Variants in ENPEP observed in about 807,000 individuals in gnomAD.
ENPEP encodes glutamyl aminopeptidase, also known as AP-A.
Under a neutral mutation model 114.5 loss-of-function variants are expected in ENPEP, and 103 were observed. That is an observed-to-expected ratio of 0.90 (90% CI 0.77 to 1.06). ENPEP has a LOEUF of 1.06. Ranked by LOEUF, ENPEP falls within the 50% of genes least tolerant of loss-of-function variation. ENPEP has a pLI of 0.00. For synonymous variants in ENPEP, 420 were observed against 422.0 expected (o/e 1.00, Z 0.06); for missense variants, 1,196 against 1,161.3 (o/e 1.03, Z -0.43).
At chr4:110,526,002 G>A (rs930799421) in intron 10 of ENPEP, among the ~76,000 whole-genome samples, 21 of 152,082 alleles carry the variant, frequency 1.4e-4, no homozygotes, top group Non-Finnish European at 2.4e-4. Flanking sequence ...ATGGCCGGGC[G>A]TGGTGGTTCA....
At chr4:110,498,480 T>C (rs1168653219) in intron 3 of ENPEP, among the ~76,000 whole-genome samples, 1 of 152,004 alleles carries the variant, frequency 6.6e-6, no homozygotes, top group Non-Finnish European at 1.5e-5. Flanking sequence ...TAATAAATAA[T>C]AGAGGAGGTG....
intron 6 of ENPEP, among the ~76,000 whole-genome samples, chr4:110,511,761 CT>C (rs35037890): frequency 0.34 from 48,710 of 145,388 alleles, 8,152 homozygotes; most frequent in African/African-American, 0.4. Context: ...TCATTCATTC[CT>C]TTTTTTTTTT....
Position 110,547,616 on chromosome 4 carries a change from T to A in ENPEP, c.2001-560T>A, listed in dbSNP as rs976335960. Among the ~76,000 whole-genome samples, 3 of 152,110 alleles carry A rather than the reference T, an allele frequency of 2.0e-5. No individual in the cohort carries two copies. In the South Asian group the frequency reaches 6.2e-4, roughly 32 times the overall value. ...AACCTTTAAAATATCAACAGTGTCT[T>A]CAAATTTTCTAGAAGAGAAAAATTT... is the stretch of plus-strand genomic sequence containing the variant. On this transcript the variant is annotated intron_variant, in intron 13 of 19. Transcript: ENST00000265162.
At position 110,563,035 on chromosome 4, in the gene ENPEP, G is replaced by A. The variant is rs1056486090; in HGVS notation, c.*1477G>A. The A allele has an allele frequency of 3.3e-5, 5 of 152,026 alleles. No individual in the cohort carries two copies. The highest frequency in any genetic ancestry group is 9.7e-5 in the African/African-American group (4 of 41,402). 9.4% of individuals were successfully genotyped at this position (152,026 alleles called of 1,614,324 possible). A position where few individuals can be genotyped will look rare whatever the true frequency, so the allele number is the denominator to read the frequency against. Reference sequence around the variant, plus strand: ...TAAATTCAAATGTAGACTGGGTTGTGGGTGGCAGATATAGAAGAAGAAATT... The same window carrying A: ...TAAATTCAAATGTAGACTGGGTTGTAGGTGGCAGATATAGAAGAAGAAATT... On this transcript the variant is annotated 3_prime_UTR_variant, in exon 20 of 20. Transcript: ENST00000265162.
intron 13 of ENPEP, among the ~76,000 whole-genome samples, chr4:110,547,523 T>TGG (rs930005672): frequency 6.6e-6 from 1 of 151,944 alleles, no homozygotes; most frequent in Admixed American, 6.6e-5. Context: ...GACAGGGAAG[T>TGG]GGGGAAAGCT....
intron 13 of ENPEP, among the ~76,000 whole-genome samples, chr4:110,544,537 G>A (rs369203932): frequency 1.3e-5 from 2 of 152,158 alleles, no homozygotes; most frequent in African/African-American, 4.8e-5. Flanking sequence ...AAACATTGGC[G>A]ACTTACTATG....
intron 6 of ENPEP, among the ~76,000 whole-genome samples, chr4:110,511,011 AT>A (rs1038628793): frequency 2.0e-5 from 3 of 151,948 alleles, no homozygotes; most frequent in Non-Finnish European, 4.4e-5. Context: ...GAACCCTAAA[AT>A]TTTTTTTCAG....
intron 10 of ENPEP, among the ~76,000 whole-genome samples, chr4:110,529,568 G>A (rs1226808310): frequency 1.3e-5 from 2 of 152,204 alleles, no homozygotes; most frequent in East Asian, 3.8e-4. Flanking sequence ...CCTGGAGCCA[G>A]TGCAGATCAT....
At chr4:110,487,913 C>T (rs1724561850) in intron 1 of ENPEP, among the ~76,000 whole-genome samples, 1 of 152,162 alleles carries the variant, frequency 6.6e-6, no homozygotes, top group Non-Finnish European at 1.5e-5. Flanking sequence ...AAAAATGCTG[C>T]TCTCTCTTTT....
chr4:110,537,559 A>T (rs1281245658), intron 11 of ENPEP, among the ~76,000 whole-genome samples: 1 of 152,152 alleles, frequency 6.6e-6, no homozygotes, highest in Non-Finnish European at 1.5e-5. Context: ...ATAGGTCTTG[A>T]ACACCTCAAA....
At chr4:110,485,483 G>A (rs191263597) in intron 1 of ENPEP, among the ~76,000 whole-genome samples, 5 of 148,958 alleles carry the variant, frequency 3.4e-5, no homozygotes, top group Admixed American at 1.5e-4. Context: ...TCTTAAGCAC[G>A]GGGGCATTCT....
At chr4:110,501,111 T>C (rs993249000) in intron 3 of ENPEP, among the ~76,000 whole-genome samples, 2 of 152,100 alleles carry the variant, frequency 1.3e-5, no homozygotes, top group African/African-American at 4.8e-5. Flanking sequence ...AATATAAAAA[T>C]GTTTGTGATA....
At chr4:110,534,059 C>G (rs569821841) in intron 11 of ENPEP, among the ~76,000 whole-genome samples, 37 of 152,232 alleles carry the variant, frequency 2.4e-4, no homozygotes, top group Non-Finnish European at 1.5e-5. Flanking sequence ...GTTCCTGTTT[C>G]CTGTTTAAGG....
intron 10 of ENPEP, among the ~76,000 whole-genome samples, chr4:110,526,401 A>C (rs1726198966): frequency 1.3e-5 from 2 of 152,242 alleles, no homozygotes; most frequent in Non-Finnish European, 2.9e-5. Context: ...TATTTTAAGC[A>C]CTTCAGATGC....
At chr4:110,553,641 T>C (rs1302333371) in intron 18 of ENPEP, 186 bp downstream of exon 18, 4 of 454,056 alleles carry the variant, frequency 8.8e-6, no homozygotes, top group African/African-American at 2.0e-5. Context: ...GAACAATTTT[T>C]TTCTGGAAAT....
In ENPEP at chr4:110,564,924, T is replaced by C. The variant is rs1727779909; in HGVS notation, c.*3366T>C. 1 of 152,198 alleles carries C rather than the reference T, an allele frequency of 6.6e-6. No individual in the cohort carries two copies. The highest frequency in any genetic ancestry group is 2.4e-5 in the African/African-American group (1 of 41,452). 9.4% of individuals were successfully genotyped at this position (152,198 alleles called of 1,614,324 possible). On this transcript the variant is annotated 3_prime_UTR_variant, in exon 20 of 20. Transcript: ENST00000265162. Reference sequence around the variant, plus strand: ...ATTCCAGGATAAAAACAACATGGAATAGAACTTAGCCAGCACAGAGTACAC... The same window carrying C: ...ATTCCAGGATAAAAACAACATGGAACAGAACTTAGCCAGCACAGAGTACAC...
At chr4:110,543,091 A>C in intron 13 of ENPEP, 21 bp downstream of exon 13, 1 of 1,591,220 alleles carries the variant, frequency 6.3e-7, no homozygotes, top group Non-Finnish European at 8.6e-7. Context: ...GAATGAGACT[A>C]AATTACTTAA....
rs950399057 is a variant in ENPEP, at chr4:110,563,369, G to T, written c.*1811G>T. ...CTATTTCATGCCTTTTCCTTTTGTTGTTCTATTTCATTCTATTTTAAGCAT... is the reference window on the plus strand; with the variant it reads ...CTATTTCATGCCTTTTCCTTTTGTTTTTCTATTTCATTCTATTTTAAGCAT... On this transcript the variant is annotated 3_prime_UTR_variant, in exon 20 of 20. Coordinates refer to ENST00000265162, the MANE Select transcript of ENPEP (RefSeq NM_001977.4). 1 of 152,030 alleles carries T rather than the reference G, an allele frequency of 6.6e-6. No individual in the cohort carries two copies. Among genetic ancestry groups the T allele is most frequent in the Admixed American group, 6.6e-5 (1 of 15,250 alleles). 9.4% of individuals were successfully genotyped at this position (152,030 alleles called of 1,614,324 possible).
intron 12 of ENPEP, 60 bp from the exon 13 acceptor site, chr4:110,542,955 T>G (rs1726907306): frequency 6.2e-7 from 1 of 1,610,040 alleles, no homozygotes; most frequent in Non-Finnish European, 8.5e-7. Flanking sequence ...GATATTAATT[T>G]TTTTCAACAT....
Sources: allele counts gnomAD v4.1 joint callset (sites outside exome capture counted in the v4.1 genomes callset), GRCh38; gene constraint gnomAD v4.1.1; transcripts MANE v1.5; gene names NCBI Gene and HGNC (gene_info 2026-07-23, HGNC 2026-07-21).